AFF3: variants seen among roughly 807,000 people sequenced by gnomAD.
AFF3 encodes ALF transcription elongation factor 3, also known as AF4/FMR2 family member 3.
In AFF3, 32 loss-of-function variants were observed where a neutral mutation model predicts 129.7. The observed-to-expected ratio is 0.25, with a 90% CI of 0.19 to 0.33. The LOEUF is 0.33. Among genes scored for constraint, AFF3 ranks in the 10% least tolerant of loss-of-function variants. The pLI, the probability that AFF3 is intolerant of heterozygous loss-of-function variation, is 1.00. For missense variants in AFF3, 1,373 were observed against 1,592.0 expected (o/e 0.86, Z 2.34); for synonymous variants, 644 against 635.4 (o/e 1.01, Z -0.20).
At chr2:99,837,387 T>C (rs1294187971) in intron 8 of AFF3, 90 bp downstream of exon 8, 8 of 1,241,994 alleles carry the variant, frequency 6.4e-6, no homozygotes, top group African/African-American at 6.1e-5. Context: ...CCACAGACTA[T>C]GGGCTCCTTT....
intron 7 of AFF3, among the ~76,000 whole-genome samples, chr2:99,968,340 A>G (rs530379928): frequency 2.0e-5 from 3 of 152,156 alleles, no homozygotes; most frequent in Non-Finnish European, 2.9e-5. Context: ...CCTCTCAACC[A>G]TGTATTTTCT....
chr2:100,029,935 T>C (rs938371130), intron 4 of AFF3, among the ~76,000 whole-genome samples: 2 of 152,022 alleles, frequency 1.3e-5, no homozygotes, highest in Non-Finnish European at 2.9e-5. Context: ...GGCATGGTGG[T>C]ATGTGCCTGT....
chr2:100,076,724 G>C (rs959070550), intron 4 of AFF3, among the ~76,000 whole-genome samples: 2 of 152,090 alleles, frequency 1.3e-5, no homozygotes, highest in Non-Finnish European at 2.9e-5. Flanking sequence ...TGGTACAAGG[G>C]ACCGGAACAG....
chr2:100,136,264 T>C (rs775162116), intron 1 of AFF3, among the ~76,000 whole-genome samples: 1 of 152,130 alleles, frequency 6.6e-6, no homozygotes, highest in Admixed American at 6.5e-5. Flanking sequence ...TGGGAGCGAA[T>C]GCAGATAAAG....
At chr2:99,721,850 T>A (rs1296832686) in intron 11 of AFF3, among the ~76,000 whole-genome samples, 1 of 152,204 alleles carries the variant, frequency 6.6e-6, no homozygotes, top group Non-Finnish European at 1.5e-5. Context: ...TATTATTCCT[T>A]CAGATATTTT....
At chr2:99,685,472 C>T (rs1321069937) in intron 11 of AFF3, among the ~76,000 whole-genome samples, 1 of 152,082 alleles carries the variant, frequency 6.6e-6, no homozygotes, top group Non-Finnish European at 1.5e-5. Context: ...AAGAGGGGTG[C>T]ATTTACTGGG....
intron 12 of AFF3, among the ~76,000 whole-genome samples, chr2:99,653,974 G>T (rs1238792383): frequency 3.3e-5 from 5 of 149,362 alleles, no homozygotes; most frequent in African/African-American, 1.2e-4. Flanking sequence ...CTGCCTCCCT[G>T]GTTCAAGCGA....
intron 8 of AFF3, among the ~76,000 whole-genome samples, chr2:99,795,168 C>T (rs145879737): frequency 1.3e-5 from 2 of 152,118 alleles, no homozygotes; most frequent in African/African-American, 4.8e-5. Flanking sequence ...AAGTAGTGTG[C>T]ATATAAACAC....
intron 7 of AFF3, among the ~76,000 whole-genome samples, chr2:99,966,428 C>G (rs1677756078): frequency 6.6e-6 from 1 of 152,114 alleles, no homozygotes; most frequent in East Asian, 1.9e-4. Context: ...CGGTGGCTCA[C>G]GCCTGTAATC....
intron 11 of AFF3, among the ~76,000 whole-genome samples, chr2:99,724,751 A>G (rs1405872104): frequency 6.6e-6 from 1 of 152,204 alleles, no homozygotes; most frequent in African/African-American, 2.4e-5. Flanking sequence ...ATACCCAATT[A>G]TAACAGAACC....
intron 4 of AFF3, among the ~76,000 whole-genome samples, chr2:100,063,046 T>C (rs1687426887): frequency 6.6e-6 from 1 of 151,530 alleles, no homozygotes; most frequent in Admixed American, 6.6e-5. Flanking sequence ...AGTCCAGGAG[T>C]TCAGGACCAG....
At chr2:100,002,314 T>C (rs1008814081) in intron 7 of AFF3, among the ~76,000 whole-genome samples, 7 of 152,200 alleles carry the variant, frequency 4.6e-5, no homozygotes, top group African/African-American at 1.7e-4. Context: ...TGACAGGAAA[T>C]AGGAAGCCTA....
intron 7 of AFF3, among the ~76,000 whole-genome samples, chr2:99,911,086 A>G (rs1290892458): frequency 1.3e-5 from 2 of 152,244 alleles, no homozygotes; most frequent in African/African-American, 4.8e-5. Context: ...AACCCAGTGC[A>G]GTGTCTGAGT....
intron 7 of AFF3, among the ~76,000 whole-genome samples, chr2:99,898,776 T>A (rs917416723): frequency 1.3e-5 from 2 of 152,166 alleles, no homozygotes; most frequent in African/African-American, 4.8e-5. Context: ...TACATTTTCA[T>A]CTCAGCATAA....
In AFF3 at chr2:99,718,323, A is replaced by G. The variant is rs148710530; in HGVS notation, c.1091+8754T>C. Among the ~76,000 whole-genome samples the G allele has an allele frequency of 1.7e-3, 259 of 152,214 alleles. 1 individual carries two copies. The highest frequency in any genetic ancestry group is 5.3e-3 in the African/African-American group (221 of 41,524). On this transcript the variant is annotated intron_variant, in intron 11 of 24. Transcript: ENST00000672756. ...CGTCTCTCCATTTAGTTAGGTTTTA[A>G]ATTTCTCTCAAAGATGTTTTGTAAT...
intron 8 of AFF3, among the ~76,000 whole-genome samples, chr2:99,788,356 C>T (rs527487848): frequency 6.6e-6 from 1 of 152,228 alleles, no homozygotes; most frequent in Non-Finnish European, 1.5e-5. Flanking sequence ...CTGAAGACCT[C>T]CCAGTGGGAC....
chr2:99,875,037 A>G (rs1229003409), intron 7 of AFF3, among the ~76,000 whole-genome samples: 1 of 152,188 alleles, frequency 6.6e-6, no homozygotes. Context: ...TCATAAAATA[A>G]TCAAAATAGA....
In AFF3 at chr2:99,562,599, A is replaced by G. The variant is rs563698295; in HGVS notation, c.3120-2163T>C. Among the ~76,000 whole-genome samples, 14 of 152,340 alleles carry G rather than the reference A, an allele frequency of 9.2e-5. No homozygotes were observed. The South Asian group carries it at 2.9e-3, about 32-fold the overall frequency. ...CATTTTTACGATGGCTGCTTTAAAAATCCTTGTCAGATAATTGCAGCAACT... is the reference window on the plus strand; with the variant it reads ...CATTTTTACGATGGCTGCTTTAAAAGTCCTTGTCAGATAATTGCAGCAACT... On this transcript the variant is annotated intron_variant, in intron 20 of 24. Coordinates refer to ENST00000672756, the MANE Select transcript of AFF3 (RefSeq NM_001386135.1).
intron 12 of AFF3, among the ~76,000 whole-genome samples, chr2:99,659,274 C>T (rs1300802379): frequency 6.6e-6 from 1 of 152,202 alleles, no homozygotes; most frequent in African/African-American, 2.4e-5. Context: ...TTTGGCAAGG[C>T]AACTGTGCCT....
Sources: allele counts gnomAD v4.1 joint callset (sites outside exome capture counted in the v4.1 genomes callset), GRCh38; gene constraint gnomAD v4.1.1; transcripts MANE v1.5; gene names NCBI Gene and HGNC (gene_info 2026-07-23, HGNC 2026-07-21).